The following ALG5 variants were observed in gnomAD, a reference collection of about 807,000 sequenced individuals.
The protein encoded by ALG5 is ALG5 dolichyl-phosphate beta-glucosyltransferase.
A neutral mutation model predicts 51.8 loss-of-function variants in ALG5; 26 were observed. That is an observed-to-expected ratio of 0.50 (90% CI 0.37 to 0.70). The LOEUF (loss-of-function observed/expected upper bound fraction) is 0.70. ALG5 is among the 30% of genes least tolerant of loss of function. The pLI is 0.00. For missense variants in ALG5, 311 were observed against 399.3 expected, an observed-to-expected ratio of 0.78 and a Z score of 1.88; for synonymous variants, 141 against 136.1, an observed-to-expected ratio of 1.04 and a Z score of -0.25.
intron 6 of ALG5, among the ~76,000 whole-genome samples, chr13:36,985,089 G>A (rs999782647): frequency 9.3e-5 from 14 of 151,124 alleles, no homozygotes; most frequent in Admixed American, 3.9e-4. Context: ...TTTGGCAAAC[G>A]CTCAGGATCC....
intron 6 of ALG5, among the ~76,000 whole-genome samples, chr13:36,973,183 G>A (rs987108119): frequency 6.7e-6 from 1 of 149,514 alleles, no homozygotes; most frequent in Non-Finnish European, 1.5e-5. Context: ...AAAAAAGCCA[G>A]GAAAATTCAA....
chr13:36,991,304 A>G (rs1401790463), intron 4 of ALG5, among the ~76,000 whole-genome samples: 1 of 151,192 alleles, frequency 6.6e-6, no homozygotes, highest in Non-Finnish European at 1.5e-5. Flanking sequence ...GGGAAAAAGA[A>G]AAGTATAATT....
chr13:36,981,117 T>C (rs987244192), intron 6 of ALG5, among the ~76,000 whole-genome samples: 1 of 152,114 alleles, frequency 6.6e-6, no homozygotes, highest in Admixed American at 6.5e-5. Context: ...GAAAAGAAAT[T>C]GTAGGCAACT....
In ALG5 at chr13:36,987,978, C is replaced by G. The variant is rs1019060290; in HGVS notation, c.447+1506G>C. Among the ~76,000 whole-genome samples the G allele has an allele frequency of 2.6e-5, 4 of 152,272 alleles. No homozygotes were observed. In the South Asian group the frequency reaches 8.3e-4, roughly 32 times the overall value. Reference sequence around the variant, plus strand: ...GCTCCAGCCTTATCTCCAGTCAAGACGTGGGTACCATGAGTGGGTCCTTTA... The same window carrying G: ...GCTCCAGCCTTATCTCCAGTCAAGAGGTGGGTACCATGAGTGGGTCCTTTA... On this transcript the variant is annotated intron_variant, in intron 5 of 9. Transcript: ENST00000239891.
intron 8 of ALG5, among the ~76,000 whole-genome samples, chr13:36,955,083 A>G (rs1425980825): frequency 6.6e-6 from 1 of 152,186 alleles, no homozygotes; most frequent in East Asian, 1.9e-4. Flanking sequence ...GACTCACTGA[A>G]CATCTAAGAT....
At chr13:36,980,304 G>A (rs1179077171) in intron 6 of ALG5, among the ~76,000 whole-genome samples, 2 of 152,006 alleles carry the variant, frequency 1.3e-5, no homozygotes, top group Non-Finnish European at 2.9e-5. Flanking sequence ...GCGCAGTCCC[G>A]ACTCACTGCA....
chr13:36,967,718 A>G (rs1321149887), intron 7 of ALG5: 5 of 757,010 alleles, frequency 6.6e-6, no homozygotes, highest in African/African-American at 1.8e-5. Context: ...ATACTTTAGG[A>G]ATCTCACAAC....
intron 8 of ALG5, among the ~76,000 whole-genome samples, chr13:36,955,345 G>C (rs934770068): frequency 3.4e-4 from 52 of 152,250 alleles, no homozygotes; most frequent in African/African-American, 1.2e-3. Context: ...TGTGAAGAAT[G>C]AGTGTTAAAA....
chr13:36,988,032 C>T (rs968085759), intron 5 of ALG5, among the ~76,000 whole-genome samples: 10 of 152,126 alleles, frequency 6.6e-5, no homozygotes, highest in African/African-American at 2.4e-4. Flanking sequence ...CATTGCTGTG[C>T]CTTTGTTCAT....
intron 5 of ALG5, among the ~76,000 whole-genome samples, chr13:36,986,791 G>A (rs2059003956): frequency 6.6e-6 from 1 of 152,164 alleles, no homozygotes; most frequent in Admixed American, 6.5e-5. Flanking sequence ...GCCTGATATA[G>A]TGGCACATGC....
At chr13:36,983,479 C>T (rs2058988422) in intron 6 of ALG5, among the ~76,000 whole-genome samples, 1 of 151,794 alleles carries the variant, frequency 6.6e-6, no homozygotes, top group South Asian at 2.1e-4. Context: ...GGCATGGTGG[C>T]TCACTTCTGT....
chr13:36,952,270 T>C (rs192298773), intron 9 of ALG5, among the ~76,000 whole-genome samples: 13 of 152,182 alleles, frequency 8.5e-5, no homozygotes, highest in Admixed American at 6.5e-5. Flanking sequence ...GGAAGTTTTA[T>C]TGAAGTTTCT....
intron 8 of ALG5, among the ~76,000 whole-genome samples, chr13:36,954,101 G>C (rs1407128043): frequency 6.6e-6 from 1 of 151,514 alleles, no homozygotes; most frequent in African/African-American, 2.4e-5. Flanking sequence ...TTTTCGGTTT[G>C]TTTTAAACAG....
chr13:36,975,246 CA>C (rs1448299501), intron 6 of ALG5, among the ~76,000 whole-genome samples: 1 of 152,152 alleles, frequency 6.6e-6, no homozygotes, highest in East Asian at 1.9e-4. Context: ...AAAATCCATA[CA>C]AATCAGTTGG....
At chr13:36,977,064 G>A (rs9603123) in intron 6 of ALG5, among the ~76,000 whole-genome samples, 2,431 of 152,210 alleles carry the variant, frequency 0.016, 73 homozygotes, top group African/African-American at 0.055. Flanking sequence ...TACAAATCTC[G>A]TTTTTATCTC....
At chr13:36,961,503 G>A (rs1035080713) in intron 8 of ALG5, among the ~76,000 whole-genome samples, 1 of 152,292 alleles carries the variant, frequency 6.6e-6, no homozygotes, top group African/African-American at 2.4e-5. Context: ...ATGAGAGTAT[G>A]TGCATAGGTT....
At chr13:36,956,433 A>C (rs1285774481) in intron 8 of ALG5, among the ~76,000 whole-genome samples, 1 of 152,188 alleles carries the variant, frequency 6.6e-6, no homozygotes, top group Non-Finnish European at 1.5e-5. Context: ...CCCTCAAAAA[A>C]CTAAAAACAG....
chr13:36,973,063 A>C (rs1172282067), intron 6 of ALG5, among the ~76,000 whole-genome samples: 3 of 151,060 alleles, frequency 2.0e-5, no homozygotes, highest in Non-Finnish European at 4.4e-5. Context: ...TTTTCACTGA[A>C]CTGGACAAGC....
At chr13:36,973,605 T>C (rs752855359) in intron 6 of ALG5, among the ~76,000 whole-genome samples, 3 of 152,152 alleles carry the variant, frequency 2.0e-5, no homozygotes, top group Non-Finnish European at 4.4e-5. Context: ...TTTTAAAGAA[T>C]TGTATGATAA....
Sources: allele counts gnomAD v4.1 joint callset (sites outside exome capture counted in the v4.1 genomes callset), GRCh38; gene constraint gnomAD v4.1.1; transcripts MANE v1.5; gene names NCBI Gene and HGNC (gene_info 2026-07-23, HGNC 2026-07-21).